The following SOX5 variants were observed in gnomAD, a reference collection of about 807,000 sequenced individuals.
SOX5 encodes the protein transcription factor SOX-5.
In SOX5, 9 loss-of-function variants were observed where a neutral mutation model predicts 92.0. The ratio of observed to expected loss-of-function variants is 0.10; its 90% confidence interval spans 0.06 to 0.17. SOX5 has a LOEUF of 0.17. SOX5 is among the 10% of genes least tolerant of loss of function. SOX5 has a pLI of 1.00. For synonymous variants in SOX5, 344 were observed against 336.3 expected, an observed-to-expected ratio of 1.02 and a Z score of -0.25; for missense variants, 642 against 944.5, an observed-to-expected ratio of 0.68 and a Z score of 4.20.
At chr12:23,831,509 G>A (rs748453928) in intron 3 of SOX5, among the ~76,000 whole-genome samples, 1 of 151,988 alleles carries the variant, frequency 6.6e-6, no homozygotes, top group Non-Finnish European at 1.5e-5. Context: ...ACCCAACAAC[G>A]GTCTATAGTC....
intron 3 of SOX5, among the ~76,000 whole-genome samples, chr12:23,769,958 T>C (rs2094870642): frequency 6.6e-6 from 1 of 152,054 alleles, no homozygotes; most frequent in African/African-American, 2.4e-5. Flanking sequence ...GTATTTATAA[T>C]GAGATGGCCG....
At chr12:24,132,749 G>A (rs1362417864) in intron 4 of SOX5, among the ~76,000 whole-genome samples, 2 of 151,964 alleles carry the variant, frequency 1.3e-5, no homozygotes, top group Non-Finnish European at 2.9e-5. Flanking sequence ...AAATGATGAT[G>A]GAAAACACGA....
upstream of SOX5, among the ~76,000 whole-genome samples, chr12:23,954,048 C>T (rs902799303): frequency 6.6e-6 from 1 of 151,882 alleles, no homozygotes; most frequent in Non-Finnish European, 1.5e-5. Flanking sequence ...CAAATTTAAC[C>T]CCTTTTCAGG....
At chr12:23,634,459 C>A (rs894623052) in intron 8 of SOX5, among the ~76,000 whole-genome samples, 1 of 151,968 alleles carries the variant, frequency 6.6e-6, no homozygotes, top group African/African-American at 2.4e-5. Flanking sequence ...AAAGAATTAG[C>A]CTTCCATGCA....
intron 2 of SOX5, among the ~76,000 whole-genome samples, chr12:24,333,080 A>G (rs1340156543): frequency 2.0e-5 from 3 of 152,076 alleles, no homozygotes; most frequent in African/African-American, 7.2e-5. Context: ...ATACATGGAA[A>G]ACTATAAAAA....
chr12:24,494,354 C>T (rs1398824132), intron 1 of SOX5, among the ~76,000 whole-genome samples: 1 of 152,204 alleles, frequency 6.6e-6, no homozygotes, highest in Non-Finnish European at 1.5e-5. Flanking sequence ...AAAATGTTTT[C>T]TAATGCAGGC....
intron 3 of SOX5, among the ~76,000 whole-genome samples, chr12:23,773,183 T>A (rs1335416072): frequency 1.3e-5 from 2 of 152,138 alleles, no homozygotes; most frequent in African/African-American, 2.4e-5. Context: ...TTTTGTTATT[T>A]TATATATATA....
At chr12:23,743,254 T>C (rs927757377) in intron 4 of SOX5, among the ~76,000 whole-genome samples, 1 of 152,178 alleles carries the variant, frequency 6.6e-6, no homozygotes, top group Admixed American at 6.6e-5. Flanking sequence ...CAAATTTAGC[T>C]ACATATTAAT....
intron 2 of SOX5, among the ~76,000 whole-genome samples, chr12:23,882,371 C>G (rs1439096080): frequency 6.8e-6 from 1 of 147,654 alleles, no homozygotes; most frequent in Non-Finnish European, 1.5e-5. Context: ...AGCGGATATA[C>G]TAAAAAAAAA....
At chr12:24,271,194 C>T (rs1481358948) in intron 3 of SOX5, among the ~76,000 whole-genome samples, 1 of 152,136 alleles carries the variant, frequency 6.6e-6, no homozygotes, top group East Asian at 1.9e-4. Context: ...GCTAGACGTT[C>T]TACTTTTCTC....
intron 2 of SOX5, among the ~76,000 whole-genome samples, chr12:23,858,953 C>T (rs977871603): frequency 3.9e-5 from 6 of 152,138 alleles, no homozygotes; most frequent in Non-Finnish European, 5.9e-5. Context: ...TATCACTTCC[C>T]TAATCAATAC....
At chr12:24,467,531 A>C (rs1597023035) in intron 1 of SOX5, among the ~76,000 whole-genome samples, 1 of 152,346 alleles carries the variant, frequency 6.6e-6, no homozygotes, top group East Asian at 1.9e-4. Flanking sequence ...CAGAGAAAAA[A>C]AAATTGGTAC....
chr12:23,888,848 A>G (rs983093798), intron 2 of SOX5, among the ~76,000 whole-genome samples: 1 of 152,222 alleles, frequency 6.6e-6, no homozygotes, highest in Admixed American at 6.5e-5. Context: ...ATTTACCATA[A>G]AAAACAAATA....
intron 1 of SOX5, among the ~76,000 whole-genome samples, chr12:24,548,012 G>C (rs1952808759): frequency 6.6e-6 from 1 of 152,194 alleles, no homozygotes; most frequent in Non-Finnish European, 1.5e-5. Context: ...GCTATTGTAT[G>C]CTGAGATTCA....
At chr12:23,653,013 T>TGGAC (rs2081825194) in intron 7 of SOX5, among the ~76,000 whole-genome samples, 1 of 147,230 alleles carries the variant, frequency 6.8e-6, no homozygotes, top group Non-Finnish European at 1.5e-5. Context: ...GATGGATGGA[T>TGGAC]GGATGAATGT....
chr12:24,558,299 T>A (rs1026227183), intron 1 of SOX5, among the ~76,000 whole-genome samples: 1 of 152,160 alleles, frequency 6.6e-6, no homozygotes, highest in African/African-American at 2.4e-5. Context: ...GTCAGGGTCC[T>A]CGCTGGTAAA....
intron 4 of SOX5, among the ~76,000 whole-genome samples, chr12:24,025,493 T>C (rs2136749927): frequency 6.6e-6 from 1 of 152,150 alleles, no homozygotes; most frequent in Middle Eastern, 3.4e-3. Flanking sequence ...GCTAGCAGTT[T>C]TCCCAAAGAA....
chr12:24,307,889 C>T (rs912296649), intron 2 of SOX5, among the ~76,000 whole-genome samples: 1 of 152,078 alleles, frequency 6.6e-6, no homozygotes, highest in African/African-American at 2.4e-5. Context: ...CAGGCATGAA[C>T]AGGGCAGGAG....
At chr12:23,963,996 CA>C (rs904754780) in intron 4 of SOX5, among the ~76,000 whole-genome samples, 18 of 145,608 alleles carry the variant, frequency 1.2e-4, no homozygotes, top group East Asian at 4.0e-4. Flanking sequence ...ACCAACCAAA[CA>C]AAAAAAAAAC....
Sources: allele counts gnomAD v4.1 joint callset (sites outside exome capture counted in the v4.1 genomes callset), GRCh38; gene constraint gnomAD v4.1.1; transcripts MANE v1.5; gene names NCBI Gene and HGNC (gene_info 2026-07-23, HGNC 2026-07-21).